RYR3: variants seen among roughly 807,000 people sequenced by gnomAD.
RYR3 encodes brain ryanodine receptor-calcium release channel.
RYR3 carries 207 observed loss-of-function variants against 584.3 expected under a neutral mutation model. The observed-to-expected ratio is 0.35, with a 90% CI of 0.32 to 0.40. RYR3 has a LOEUF of 0.40. Among genes scored for constraint, RYR3 ranks in the 10% least tolerant of loss-of-function variants. The probability of loss-of-function intolerance (pLI) is 1.00; values close to 1 mark genes in which losing one functional copy is unlikely to be tolerated. For missense variants in RYR3, 5,616 were observed against 6,089.2 expected (o/e 0.92, Z 2.59); for synonymous variants, 2,416 against 2,248.5 (o/e 1.07, Z -2.11).
At chr15:33,620,422 A>G (rs1379267393) in intron 19 of RYR3, among the ~76,000 whole-genome samples, 1 of 152,188 alleles carries the variant, frequency 6.6e-6, no homozygotes, top group Non-Finnish European at 1.5e-5. Context: ...GGCTGATAGA[A>G]CTGGTTTCAC....
chr15:33,532,475 T>C (rs914629292), intron 4 of RYR3, among the ~76,000 whole-genome samples: 1 of 152,194 alleles, frequency 6.6e-6, no homozygotes, highest in African/African-American at 2.4e-5. Context: ...CCTTTTAGTC[T>C]GGTTGCTACA....
chr15:33,473,700 G>A (rs1050686357), intron 2 of RYR3, among the ~76,000 whole-genome samples, 162 bp downstream of exon 2: 1 of 152,182 alleles, frequency 6.6e-6, no homozygotes, highest in African/African-American at 2.4e-5. Flanking sequence ...CTTTCCACAA[G>A]CCTAGGAATC....
At chr15:33,573,036 G>T (rs2058117717) in intron 12 of RYR3, among the ~76,000 whole-genome samples, 1 of 152,108 alleles carries the variant, frequency 6.6e-6, no homozygotes, top group African/African-American at 2.4e-5. Flanking sequence ...TATGCCTCTA[G>T]TCAATTTCCA....
At chr15:33,552,627 C>T (rs1473700733) in intron 10 of RYR3, among the ~76,000 whole-genome samples, 3 of 152,172 alleles carry the variant, frequency 2.0e-5, no homozygotes, top group African/African-American at 4.8e-5. Flanking sequence ...ATTAAAATGG[C>T]TTAGGCTCTA....
intron 1 of RYR3, among the ~76,000 whole-genome samples, chr15:33,354,606 C>G (rs1388473778): frequency 1.3e-5 from 2 of 152,114 alleles, no homozygotes; most frequent in Non-Finnish European, 2.9e-5. Flanking sequence ...GCAAGCCTGC[C>G]CTGGAATTGA....
intron 14 of RYR3, among the ~76,000 whole-genome samples, chr15:33,581,861 C>T (rs952081626): frequency 1.3e-5 from 2 of 152,132 alleles, no homozygotes; most frequent in Non-Finnish European, 2.9e-5. Context: ...CCTGTAACTA[C>T]CTGGGAAACT....
intron 17 of RYR3, among the ~76,000 whole-genome samples, chr15:33,602,722 C>CT (rs1460825673): frequency 2.2e-5 from 3 of 133,658 alleles, no homozygotes; most frequent in African/African-American, 8.3e-5. Context: ...GGGTCCTAAG[C>CT]TTTTTCTAGT....
intron 87 of RYR3, 148 bp from the exon 88 acceptor site, chr15:33,836,758 G>A (rs2078078829): frequency 1.7e-6 from 1 of 578,610 alleles, no homozygotes; most frequent in Admixed American, 2.7e-5. Flanking sequence ...GGACGATAAG[G>A]CATCCTCATT....
intron 16 of RYR3, among the ~76,000 whole-genome samples, chr15:33,593,301 A>G (rs779043888): frequency 2.0e-5 from 3 of 152,168 alleles, no homozygotes; most frequent in Non-Finnish European, 2.9e-5. Context: ...ATTTTACAAG[A>G]GAAGAGTCTC....
intron 1 of RYR3, among the ~76,000 whole-genome samples, chr15:33,422,307 A>G (rs1363072614): frequency 6.6e-6 from 1 of 152,184 alleles, no homozygotes; most frequent in Non-Finnish European, 1.5e-5. Context: ...AATACAGGTG[A>G]TCAGAATCTT....
rs375458939 is a variant in RYR3 at position 33,563,800 on chromosome 15, A to G, written c.1146+790A>G. On this transcript the variant is annotated intron_variant, in intron 11 of 103. Transcript: ENST00000634891. The stretch of plus-strand genomic sequence containing the variant: ...ATAAGAAAGGATGTTGAGAATGAAC[A>G]TAAGGTAATACCTTATTACCTTAAG... Among the ~76,000 whole-genome samples the G allele has an allele frequency of 2.1e-4, 32 of 152,358 alleles. No homozygotes were observed. In the South Asian group the frequency reaches 6.0e-3, roughly 29 times the overall value.
At position 33,533,354 on chromosome 15, in the gene RYR3, T is replaced by C; in HGVS notation, c.398T>C (p.Leu133Pro). Residue 133 changes from leucine (L) to proline (P), a missense_variant, in exon 5 of 104, where the codon CTT becomes CCT. Leu to Pro is a moderately conservative substitution (Grantham distance 98, BLOSUM62 -3). Coordinates refer to ENST00000634891, the MANE Select transcript of RYR3 (RefSeq NM_001036.6). ...LTTSRSQTDK[L>P]AFDVGLREHA... ...ACATCAAGATCCCAGACAGACAAAC[T>C]TGCCTTTGATGTAGGTCTACGGGAA... The C allele has an allele frequency of 6.2e-7, 1 of 1,609,330 alleles. No individual in the cohort carries two copies. Among genetic ancestry groups the C allele is most frequent in the Non-Finnish European group, 8.5e-7 (1 of 1,177,810 alleles).
intron 13 of RYR3, 52 bp from the exon 14 acceptor site, chr15:33,581,456 C>T (rs668570): frequency 0.79 from 1,245,573 of 1,578,804 alleles, 493,876 homozygotes; most frequent in Middle Eastern, 0.89. Context: ...GCATAAGGGA[C>T]TGTGCTTTCT....
At chr15:33,782,606 T>C (rs1363078798) in intron 65 of RYR3, among the ~76,000 whole-genome samples, 2 of 152,278 alleles carry the variant, frequency 1.3e-5, no homozygotes, top group South Asian at 2.1e-4. Context: ...GAAGGTAGAC[T>C]TCATTCATTA....
chr15:33,323,236 C>T (rs1458005185), intron 1 of RYR3, among the ~76,000 whole-genome samples: 4 of 152,018 alleles, frequency 2.6e-5, no homozygotes, highest in East Asian at 1.9e-4. Flanking sequence ...CTCAGCCTCC[C>T]GAGTAGCTGG....
intron 38 of RYR3, among the ~76,000 whole-genome samples, chr15:33,689,807 T>C (rs1288861818): frequency 1.3e-5 from 2 of 152,130 alleles, no homozygotes; most frequent in African/African-American, 2.4e-5. Context: ...AACACAGTTT[T>C]ACTCATTATT....
At chr15:33,801,754 G>A in intron 68 of RYR3, 115 bp from the exon 69 acceptor site, 1 of 625,662 alleles carries the variant, frequency 1.6e-6, no homozygotes. Context: ...CGTGTCTTTG[G>A]AATCACCTCG....
intron 1 of RYR3, among the ~76,000 whole-genome samples, chr15:33,375,704 C>G (rs1459547731): frequency 1.3e-5 from 2 of 152,200 alleles, no homozygotes; most frequent in Admixed American, 6.5e-5. Context: ...GCACAGATCT[C>G]AAATCTACAA....
intron 2 of RYR3, among the ~76,000 whole-genome samples, chr15:33,485,703 C>T (rs906730888): frequency 2.0e-5 from 3 of 152,146 alleles, no homozygotes; most frequent in African/African-American, 7.2e-5. Flanking sequence ...TTGAGGATGA[C>T]GACCATGAAT....
Sources: gnomAD v4.1 joint callset for allele counts (sites outside exome capture counted in the v4.1 genomes callset) on GRCh38, gnomAD v4.1.1 for gene constraint, MANE v1.5 for transcripts, NCBI Gene and HGNC (gene_info 2026-07-23, HGNC 2026-07-21) for gene names.